The following TRIP4 variants were observed in gnomAD, a reference collection of about 807,000 sequenced individuals.
TRIP4 encodes activating signal cointegrator 1.
TRIP4 carries 54 observed loss-of-function variants against 81.8 expected under a neutral mutation model. The ratio of observed to expected loss-of-function variants is 0.66; its 90% CI spans 0.53 to 0.83. TRIP4 has a LOEUF of 0.83. Among genes scored for constraint, TRIP4 ranks in the 40% least tolerant of loss-of-function variants. TRIP4 has a pLI of 0.00. For synonymous variants in TRIP4, 270 were observed against 242.8 expected, an observed-to-expected ratio of 1.11 and a Z score of -1.04; for missense variants, 662 against 683.6, an observed-to-expected ratio of 0.97 and a Z score of 0.35.
rs191375300 is a variant in TRIP4 at position 64,409,487 on chromosome 15, A to G, written c.828-126A>G. The G allele has an allele frequency of 9.7e-5, 79 of 817,742 alleles. 2 individuals are homozygous for G. The East Asian group carries it at 1.8e-3, about 19-fold the overall frequency. 50.7% of individuals were successfully genotyped at this position (817,742 alleles called of 1,614,324 possible). ...GCTGAGCCTACACTGGAGATAAAAC[A>G]TATGCAGAGCTTGACCTGATTTTGG... On this transcript the variant is annotated intron_variant, in intron 6 of 12. Coordinates refer to ENST00000261884, the MANE Select transcript of TRIP4 (RefSeq NM_016213.5).
At chr15:64,399,246 C>G (rs1210103002) in intron 4 of TRIP4, among the ~76,000 whole-genome samples, 2 of 151,996 alleles carry the variant, frequency 1.3e-5, no homozygotes, top group African/African-American at 4.8e-5. Context: ...GCCACCGTGC[C>G]TGGTGGGACC....
chr15:64,449,125 T>C (rs746397469), intron 12 of TRIP4, among the ~76,000 whole-genome samples: 2 of 151,978 alleles, frequency 1.3e-5, no homozygotes, highest in African/African-American at 2.4e-5. Context: ...GGCAGAAATA[T>C]TGCTTGAGCC....
At chr15:64,446,111 G>C (rs1892626752) in intron 12 of TRIP4, among the ~76,000 whole-genome samples, 1 of 151,566 alleles carries the variant, frequency 6.6e-6, no homozygotes, top group South Asian at 2.1e-4. Flanking sequence ...CGTCTCTACT[G>C]AAAATACAAA....
chr15:64,397,064 GT>G (rs973727213), intron 3 of TRIP4, among the ~76,000 whole-genome samples: 2 of 151,858 alleles, frequency 1.3e-5, no homozygotes, highest in Admixed American at 6.6e-5. Flanking sequence ...TTCTTATTAG[GT>G]TTTTTTTGCC....
intron 7 of TRIP4, 57 bp from the exon 8 acceptor site, chr15:64,414,028 A>C: frequency 1.3e-6 from 2 of 1,581,360 alleles, no homozygotes; most frequent in East Asian, 4.5e-5. Flanking sequence ...GTTGGTGGTA[A>C]GCATTCTGAG....
chr15:64,404,353 C>T (rs1891577201), intron 5 of TRIP4, among the ~76,000 whole-genome samples: 1 of 152,024 alleles, frequency 6.6e-6, no homozygotes. Context: ...GAGACAGAGT[C>T]TCTGTCACCT....
intron 7 of TRIP4, 134 bp from the exon 8 acceptor site, chr15:64,413,951 G>C (rs144876652): frequency 1.1e-6 from 1 of 907,494 alleles, no homozygotes; most frequent in Non-Finnish European, 1.6e-6. Flanking sequence ...TTGGAGTGGG[G>C]AGTAGGGAAG....
chr15:64,420,940 C>A (rs1891997811), intron 9 of TRIP4, among the ~76,000 whole-genome samples: 1 of 152,050 alleles, frequency 6.6e-6, no homozygotes, highest in Non-Finnish European at 1.5e-5. Flanking sequence ...GGCAGTAGCT[C>A]TATGAAATAC....
intron 11 of TRIP4, among the ~76,000 whole-genome samples, chr15:64,436,193 G>A (rs1397179248): frequency 2.6e-5 from 4 of 152,070 alleles, no homozygotes; most frequent in South Asian, 2.1e-4. Context: ...TACTCAGGAG[G>A]CTGAGGCAGG....
chr15:64,455,224 A>G lies in TRIP4; in HGVS notation c.*160A>G. On this transcript the variant is annotated 3_prime_UTR_variant, in exon 13 of 13. Transcript: ENST00000261884. ...TACCAAAATCTGTATATTTTTCTTA[A>G]GGAGTGGGATTCCTACTTTATGTAA... 1 of 531,260 alleles carries G rather than the reference A, an allele frequency of 1.9e-6. No homozygotes were observed. 32.9% of individuals were successfully genotyped at this position (531,260 alleles called of 1,614,324 possible). A position where few individuals can be genotyped will look rare whatever the true frequency, so the allele number is the denominator to read the frequency against.
rs1030027113 is a variant in TRIP4, at chr15:64,414,092, G to A, written c.1051G>A (p.Glu351Lys). ...TTTGGTTTATTATCACAGACTAGATGAGACAATACAGGCCATTGCCAATGG... is the reference window on the plus strand; with the variant it reads ...TTTGGTTTATTATCACAGACTAGATAAGACAATACAGGCCATTGCCAATGG... ...SLAEYHSRLD[E>K]TIQAIANGTL... Residue 351 changes from glutamate (E) to lysine (K), a missense_variant, in exon 8 of 13, where the codon GAG becomes AAG. Transcript: ENST00000261884. The A allele has an allele frequency of 6.2e-6, 10 of 1,613,912 alleles. No individual in the cohort carries two copies. The highest frequency in any genetic ancestry group is 3.3e-5 in the Admixed American group (2 of 59,984).
chr15:64,438,461 A>G (rs893426035), intron 11 of TRIP4, among the ~76,000 whole-genome samples: 1 of 152,204 alleles, frequency 6.6e-6, no homozygotes, highest in African/African-American at 2.4e-5. Flanking sequence ...CTGGGATTAC[A>G]GGCATGCACC....
intron 4 of TRIP4, among the ~76,000 whole-genome samples, chr15:64,399,846 A>G (rs1891448305): frequency 6.6e-6 from 1 of 150,964 alleles, no homozygotes; most frequent in Non-Finnish European, 1.5e-5. Context: ...ATGCTGGCTT[A>G]TGTCTGTAAT....
chr15:64,407,674 A>T (rs561997231), intron 6 of TRIP4, among the ~76,000 whole-genome samples: 42 of 152,126 alleles, frequency 2.8e-4, no homozygotes, highest in African/African-American at 5.5e-4. Flanking sequence ...CTCAAAAAAA[A>T]AATAATAATA....
At chr15:64,436,762 C>CTTT (rs1448942645) in intron 11 of TRIP4, among the ~76,000 whole-genome samples, 4 of 8,986 alleles carry the variant, frequency 4.5e-4, no homozygotes, top group Non-Finnish European at 2.6e-3. Flanking sequence ...ACCATCTATG[C>CTTT]CTTTTTTTTT....
At chr15:64,420,088 A>G (rs1891976719) in intron 9 of TRIP4, among the ~76,000 whole-genome samples, 1 of 150,750 alleles carries the variant, frequency 6.6e-6, no homozygotes, top group African/African-American at 2.4e-5. Flanking sequence ...TGCTGGGATT[A>G]TAGGTGTGAG....
chr15:64,394,406 C>A (rs942928866), intron 2 of TRIP4, among the ~76,000 whole-genome samples: 3 of 151,886 alleles, frequency 2.0e-5, no homozygotes, highest in Non-Finnish European at 4.4e-5. Context: ...GAGATCGAGA[C>A]CATCGTGGCT....
chr15:64,442,365 G>A (rs897119098), intron 11 of TRIP4, among the ~76,000 whole-genome samples: 2 of 152,080 alleles, frequency 1.3e-5, no homozygotes, highest in African/African-American at 4.8e-5. Context: ...GTGAGATATT[G>A]GATATACTTT....
Position 64,409,601 on chromosome 15 carries a change from C to G in TRIP4, c.828-12C>G. On this transcript the variant is annotated splice_polypyrimidine_tract_variant and intron_variant, in intron 6 of 12. Coordinates refer to ENST00000261884, the MANE Select transcript of TRIP4 (RefSeq NM_016213.5). ...CAGATGACCTAATTACCATGTGTTC[C>G]CTTTTTCTCAGTATTCGAAGGACCC... 6.2e-7 allele frequency: 1 copy of G among 1,613,030 alleles called. No individual in the cohort carries two copies. The highest frequency in any genetic ancestry group is 1.3e-5 in the African/African-American group (1 of 75,010).
Sources: allele counts gnomAD v4.1 joint callset (sites outside exome capture counted in the v4.1 genomes callset), GRCh38; gene constraint gnomAD v4.1.1; transcripts MANE v1.5; gene names NCBI Gene and HGNC (gene_info 2026-07-23, HGNC 2026-07-21).